FAT2: variants seen among roughly 807,000 people sequenced by gnomAD.
FAT2 encodes protocadherin Fat 2.
Under a neutral mutation model 295.3 loss-of-function variants are expected in FAT2, and 150 were observed. The ratio of observed to expected loss-of-function variants is 0.51; its 90% CI spans 0.44 to 0.58. FAT2 has a LOEUF of 0.58. FAT2 is among the 20% of genes least tolerant of loss of function. The pLI, the probability that FAT2 is intolerant of heterozygous loss-of-function variation, is 0.00. For missense variants in FAT2, 4,868 were observed against 5,442.7 expected (o/e 0.89, Z 3.32); for synonymous variants, 2,026 against 2,150.3 (o/e 0.94, Z 1.60).
At chr5:151,563,700 A>C (rs2127642689) in intron 2 of FAT2, 61 bp from the exon 3 acceptor site, 1 of 1,410,314 alleles carries the variant, frequency 7.1e-7, no homozygotes, top group Admixed American at 2.0e-5. Context: ...TTTAGAAATC[A>C]CCCTTACCCA....
rs2127646054 is a variant in FAT2 at position 151,566,457 on chromosome 5, G to A, written c.2475C>T (p.Tyr825=). Residue 825 remains tyrosine (Y), a synonymous_variant, in exon 2 of 24, where the codon TAC becomes TAT. Transcript: ENST00000261800. ...DNAPRFPPGG[Y]QLTISEDTEV... Reference sequence around the variant, plus strand: ...CTGTGTCCTCCGAGATGGTTAACTGGTACCCACCGGGAGGAAATCTGGGTG... The same window carrying A: ...CTGTGTCCTCCGAGATGGTTAACTGATACCCACCGGGAGGAAATCTGGGTG... 6.2e-7 allele frequency: 1 copy of A among 1,613,498 alleles called. No homozygotes were observed. The highest frequency in any genetic ancestry group is 8.5e-7 in the Non-Finnish European group (1 of 1,179,704).
intron 13 of FAT2, among the ~76,000 whole-genome samples, chr5:151,533,629 G>C (rs777390828): frequency 1.3e-5 from 2 of 152,014 alleles, no homozygotes; most frequent in Admixed American, 6.6e-5. Context: ...TCATTTTCCT[G>C]TGTTGACCTG....
intron 1 of FAT2, among the ~76,000 whole-genome samples, chr5:151,573,602 C>T (rs1225800944): frequency 2.6e-5 from 4 of 152,148 alleles, no homozygotes. Flanking sequence ...TGCAGTGAGC[C>T]GAGATCGCGC....
At chr5:151,547,693 A>G (rs915440990) in intron 9 of FAT2, among the ~76,000 whole-genome samples, 1 of 152,220 alleles carries the variant, frequency 6.6e-6, no homozygotes, top group African/African-American at 2.4e-5. Context: ...GATTCCATTA[A>G]AAGCAGCTAA....
At chr5:151,577,938 C>T (rs1163874029) in intron 1 of FAT2, among the ~76,000 whole-genome samples, 7 of 151,714 alleles carry the variant, frequency 4.6e-5, no homozygotes, top group Admixed American at 3.3e-4. Flanking sequence ...GGGTCAACAA[C>T]TCTAGCCCCA....
chr5:151,589,504 G>T (rs988545149), intron 1 of FAT2, among the ~76,000 whole-genome samples: 1 of 152,208 alleles, frequency 6.6e-6, no homozygotes, highest in Non-Finnish European at 1.5e-5. Context: ...ACCCTAGTTT[G>T]CCTCTTACAG....
Position 151,554,537 on chromosome 5 carries a change from G to C in FAT2, c.3770C>G (p.Pro1257Arg). The C allele has an allele frequency of 2.5e-6, 4 of 1,614,214 alleles. No homozygotes were observed. The South Asian group carries it at 4.4e-5, about 18-fold the overall frequency. Residue 1257 changes from proline to arginine, a missense_variant, in exon 5 of 24, where the codon CCT (proline) becomes CGT (arginine). By Grantham distance (103) the Pro-to-Arg change is moderately radical. Coordinates refer to ENST00000261800, the MANE Select transcript of FAT2 (RefSeq NM_001447.3). ...FNVRLPERLS[P>R]VSPGPVYRLV... Reference sequence around the variant, plus strand: ...CCTGTACACAGGCCCAGGGGACACAGGGCTCAGCCTCTCTGGAAGGCGGAC... The same window carrying C: ...CCTGTACACAGGCCCAGGGGACACACGGCTCAGCCTCTCTGGAAGGCGGAC...
At position 151,544,357 on chromosome 5, in the gene FAT2, G is replaced by A; in HGVS notation, c.6770C>T (p.Thr2257Ile). Residue 2257 changes from threonine to isoleucine, a missense_variant, in exon 10 of 24, where the codon ACA becomes ATA. By Grantham distance (89) the Thr-to-Ile change is moderately conservative. Coordinates refer to ENST00000261800, the MANE Select transcript of FAT2 (RefSeq NM_001447.3). ...DTALGSFSEA[T>I]VEVLVEDVND... ...GACATCCTCCACTAGGACTTCCACT[G>A]TGGCTTCAGAAAATGACCCCAGAGC... 1 of 1,614,174 alleles carries A rather than the reference G, an allele frequency of 6.2e-7. No individual in the cohort carries two copies. The highest frequency in any genetic ancestry group is 8.5e-7 in the Non-Finnish European group (1 of 1,180,032).
At chr5:151,556,538 T>A (rs1384531570) in intron 3 of FAT2, 136 bp from the exon 4 acceptor site, 1 of 631,824 alleles carries the variant, frequency 1.6e-6, no homozygotes, top group Non-Finnish European at 2.8e-6. Context: ...AGACCATCCC[T>A]GACTTAGGAT....
In FAT2 at chr5:151,549,510, G is replaced by A. The variant is rs1337937392; in HGVS notation, c.4579-5C>T. The A allele has an allele frequency of 6.2e-7, 1 of 1,613,420 alleles. No individual in the cohort carries two copies. Among genetic ancestry groups the A allele is most frequent in the African/African-American group, 1.3e-5 (1 of 74,908 alleles). ...AGGTATTTCCTGGTCTCGGACCTAT[G>A]GGCCCAAAGGGGGTAATTGGGTAAG... On this transcript the variant is annotated splice_region_variant and splice_polypyrimidine_tract_variant and intron_variant, in intron 8 of 23. Transcript: ENST00000261800.
At chr5:151,511,944 T>TC (rs1561813652) in intron 21 of FAT2, 3 of 568,318 alleles carry the variant, frequency 5.3e-6, no homozygotes, top group African/African-American at 3.8e-5. Context: ...TCCTCCCTCA[T>TC]CCCCCCAGAA....
chr5:151,549,978 C>T (rs373531394), intron 8 of FAT2, among the ~76,000 whole-genome samples: 3 of 152,124 alleles, frequency 2.0e-5, no homozygotes, highest in African/African-American at 4.8e-5. Flanking sequence ...ATCTTTAAGA[C>T]AGGAGGCCAG....
At chr5:151,584,259 T>G (rs1759081116) in intron 1 of FAT2, among the ~76,000 whole-genome samples, 1 of 151,868 alleles carries the variant, frequency 6.6e-6, no homozygotes, top group Non-Finnish European at 1.5e-5. Context: ...AATGATTCCC[T>G]TTACCCTCCC....
intron 1 of FAT2, among the ~76,000 whole-genome samples, chr5:151,575,549 C>T (rs1353760378): frequency 6.6e-6 from 1 of 152,194 alleles, no homozygotes; most frequent in East Asian, 1.9e-4. Context: ...ACGGCAAATA[C>T]CTAGCACTGG....
Position 151,521,348 on chromosome 5 carries a change from G to A in FAT2, c.11245C>T (p.Pro3749Ser). 6.2e-7 allele frequency: 1 copy of A among 1,614,174 alleles called. No homozygotes were observed. The highest frequency in any genetic ancestry group is 1.1e-5 in the South Asian group (1 of 91,080). Residue 3749 changes from proline to serine, a missense_variant, in exon 19 of 24, where the codon CCC (proline) becomes TCC (serine). Transcript: ENST00000261800. ...CTGAGCCTGGCGGTGCTGTACGTGG[G>A]CCCAACCTTGGGGTCCAGATGCACT... The part of the protein sequence containing the change: ...NTVHLDPKVG[P>S]TYSTARLSIL...
In FAT2 at chr5:151,553,289, G is replaced by A. The variant is rs1174388017; in HGVS notation, c.4044C>T (p.Ala1348=). The A allele has an allele frequency of 6.2e-7, 1 of 1,614,146 alleles. No individual in the cohort carries two copies. Among genetic ancestry groups the A allele is most frequent in the African/African-American group, 1.3e-5 (1 of 74,946 alleles). The change falls in exon 6 of 24, where the codon GCC becomes GCT. Residue 1348 remains alanine (A), a synonymous_variant. Coordinates refer to ENST00000261800, the MANE Select transcript of FAT2 (RefSeq NM_001447.3). ...TAAAGCTGTAGTAGGTCTCATCAAA[G>A]GCCAGAGGGATGGAGGACGGCCGGG... ...PWPRPSSIPL[A]FDETYYSFTV...
chr5:151,514,487 C>G (rs368290428), intron 20 of FAT2, among the ~76,000 whole-genome samples: 2 of 152,264 alleles, frequency 1.3e-5, no homozygotes, highest in Admixed American at 6.5e-5. Context: ...AAAGCTAACT[C>G]TCCACCTGCT....
Position 151,505,715 on chromosome 5 carries a change from C to T in FAT2, c.12900G>A (p.Met4300Ile). The change falls in exon 24 of 24, where the codon ATG (methionine) becomes ATA (isoleucine). Residue 4300 changes from methionine to isoleucine, a missense_variant. Around this residue, in one of 5 missense-constraint regions of FAT2, gnomAD observed 492 missense variants for 482.6 expected, o/e 1.02. Transcript: ENST00000261800. Reference sequence around the variant, plus strand: ...AAGAGGGCCCAGCTCGGCTGAGGCGCATACCCACCCCCTTGTAGCCCCCGT... The same window carrying T: ...AAGAGGGCCCAGCTCGGCTGAGGCGTATACCCACCCCCTTGTAGCCCCCGT... Reference protein sequence around the residue: ...LADGGYKGVGMRLSRAGPSYA... With the variant: ...LADGGYKGVGIRLSRAGPSYA... 1.9e-6 allele frequency: 3 copies of T among 1,613,982 alleles called. No homozygotes were observed. The highest frequency in any genetic ancestry group is 2.5e-6 in the Non-Finnish European group (3 of 1,179,884).
intron 1 of FAT2, among the ~76,000 whole-genome samples, chr5:151,580,820 C>T (rs971217039): frequency 2.6e-5 from 4 of 152,164 alleles, no homozygotes; most frequent in South Asian, 2.1e-4. Context: ...ATACATCTCC[C>T]GATCTTTTAT....
Sources: gnomAD v4.1 joint callset for allele counts (sites outside exome capture counted in the v4.1 genomes callset) on GRCh38, gnomAD v4.1.1 for gene constraint, gnomAD v4.1.1 regional missense constraint, MANE v1.5 for transcripts, NCBI Gene and HGNC (gene_info 2026-07-23, HGNC 2026-07-21) for gene names.